Variants in BICD1 observed in about 807,000 individuals in gnomAD.
The protein encoded by BICD1 is BICD cargo adaptor 1.
A neutral mutation model predicts 92.5 loss-of-function variants in BICD1; 35 were observed. The ratio of observed to expected loss-of-function variants is 0.38; its 90% CI spans 0.29 to 0.50. BICD1 has a LOEUF of 0.50. BICD1 is among the 20% of genes least tolerant of loss of function. The probability of loss-of-function intolerance (pLI) is 0.93; values close to 1 mark genes in which losing one functional copy is unlikely to be tolerated. For missense variants in BICD1, 950 were observed against 1,189.8 expected (o/e 0.80, Z 2.97); for synonymous variants, 429 against 465.1 (o/e 0.92, Z 1.00).
At chr12:32,252,072 TAATATATATTTATA>T (rs1174116798) in intron 2 of BICD1, among the ~76,000 whole-genome samples, 3 of 36,552 alleles carry the variant, frequency 8.2e-5, no homozygotes, top group African/African-American at 3.0e-4. Context: ...TATATATTTA[TAATATATATTTATA>T]AATATATATT....
In BICD1 at chr12:32,107,365, C is replaced by T; in HGVS notation, c.34C>T (p.His12Tyr). 6.2e-7 allele frequency: 1 copy of T among 1,609,700 alleles called. No homozygotes were observed. Among genetic ancestry groups the T allele is most frequent in the Non-Finnish European group, 8.5e-7 (1 of 1,178,322 alleles). ...AGAAGAGGTATTGCAGACGGTGGACCATTATAAGACTGAGATAGAGAGGCT... is the reference window on the plus strand; with the variant it reads ...AGAAGAGGTATTGCAGACGGTGGACTATTATAAGACTGAGATAGAGAGGCT... The part of the protein sequence containing the change: ...AAEEVLQTVD[H>Y]YKTEIERLTK... Residue 12 changes from histidine to tyrosine, a missense_variant, in exon 1 of 10, where the codon CAT (histidine) becomes TAT (tyrosine). By Grantham distance (83) the His-to-Tyr change is moderately conservative. Coordinates refer to ENST00000652176, the MANE Select transcript of BICD1 (RefSeq NM_001714.4).
chr12:32,324,552 A>G (rs1232961575), intron 4 of BICD1, among the ~76,000 whole-genome samples: 2 of 144,378 alleles, frequency 1.4e-5, no homozygotes, highest in East Asian at 4.1e-4. Context: ...CCTTTTTGCA[A>G]CTACTGTACT....
Position 32,327,454 on chromosome 12 carries a change from A to T in BICD1, c.1006-7A>T. The T allele has an allele frequency of 1.9e-6, 3 of 1,589,498 alleles. No individual in the cohort carries two copies. The Admixed American group carries it at 5.3e-5, about 28-fold the overall frequency. ...GGTGATTCAGAAACTTTCTTTTGCCATTGCAGGTAGAGCGGGAAAAGGCCA... is the reference window on the plus strand; with the variant it reads ...GGTGATTCAGAAACTTTCTTTTGCCTTTGCAGGTAGAGCGGGAAAAGGCCA... On this transcript the variant is annotated splice_polypyrimidine_tract_variant and splice_region_variant and intron_variant, in intron 4 of 9. Coordinates refer to ENST00000652176, the MANE Select transcript of BICD1 (RefSeq NM_001714.4).
chr12:32,300,080 G>C (rs569239458), intron 3 of BICD1, among the ~76,000 whole-genome samples: 1 of 152,142 alleles, frequency 6.6e-6, no homozygotes, highest in East Asian at 1.9e-4. Context: ...TAGGTGGTGG[G>C]CTGGATTTGC....
intron 1 of BICD1, among the ~76,000 whole-genome samples, chr12:32,127,756 T>C (rs1942393806): frequency 6.6e-6 from 1 of 152,158 alleles, no homozygotes; most frequent in Admixed American, 6.5e-5. Flanking sequence ...GTTTCCCCAA[T>C]AAGCATTAAG....
At chr12:32,303,942 A>G (rs12317547) in intron 3 of BICD1, among the ~76,000 whole-genome samples, 25,674 of 152,038 alleles carry the variant, frequency 0.17, 2,794 homozygotes, top group African/African-American at 0.3. Context: ...AGGCGTGGTG[A>G]CGGGCACTTG....
At chr12:32,234,657 C>CTT (rs796108601) in intron 2 of BICD1, among the ~76,000 whole-genome samples, 87 of 146,116 alleles carry the variant, frequency 6.0e-4, no homozygotes, top group African/African-American at 2.0e-3. Context: ...CTAAACACCA[C>CTT]TTTTTTTTTC....
At chr12:32,200,949 G>T (rs1216750536) in intron 1 of BICD1, among the ~76,000 whole-genome samples, 1 of 152,132 alleles carries the variant, frequency 6.6e-6, no homozygotes, top group Admixed American at 6.5e-5. Context: ...AATACTAAAA[G>T]CCTCTTGATC....
intron 8 of BICD1, among the ~76,000 whole-genome samples, chr12:32,350,133 G>A (rs561283857): frequency 6.6e-6 from 1 of 152,264 alleles, no homozygotes; most frequent in Non-Finnish European, 1.5e-5. Flanking sequence ...CAACTGATGT[G>A]TAGTTAGAAT....
intron 2 of BICD1, among the ~76,000 whole-genome samples, chr12:32,274,608 C>T (rs989350061): frequency 3.9e-5 from 6 of 152,030 alleles, no homozygotes; most frequent in East Asian, 1.9e-4. Context: ...TTTACTGAGG[C>T]GTTTATATTT....
chr12:32,315,812 A>C (rs1034611353), intron 4 of BICD1, among the ~76,000 whole-genome samples: 1 of 152,118 alleles, frequency 6.6e-6, no homozygotes, highest in Admixed American at 6.6e-5. Flanking sequence ...AATAAATTAC[A>C]TGAGATAGTA....
chr12:32,246,266 G>A (rs1007022569), intron 2 of BICD1, among the ~76,000 whole-genome samples: 22 of 148,918 alleles, frequency 1.5e-4, no homozygotes, highest in Admixed American at 1.3e-3. Context: ...ACTTGTGACT[G>A]GGAGTTTGAG....
At chr12:32,123,868 C>T (rs746824323) in intron 1 of BICD1, among the ~76,000 whole-genome samples, 3 of 150,088 alleles carry the variant, frequency 2.0e-5, no homozygotes, top group East Asian at 3.9e-4. Flanking sequence ...CAGAGCAAGA[C>T]TCCGTCTGAA....
chr12:32,289,303 A>C (rs752184772), intron 2 of BICD1, among the ~76,000 whole-genome samples: 1 of 152,160 alleles, frequency 6.6e-6, no homozygotes, highest in Non-Finnish European at 1.5e-5. Context: ...GTCATTGCTA[A>C]CTTTTTTCAG....
chr12:32,133,325 T>G (rs1018235243), intron 1 of BICD1, among the ~76,000 whole-genome samples: 2 of 151,918 alleles, frequency 1.3e-5, no homozygotes, highest in Admixed American at 1.3e-4. Flanking sequence ...CCATCTCTAC[T>G]AAAAATGCAA....
At chr12:32,367,921 A>G (rs139027900) in intron 9 of BICD1, 176 bp downstream of exon 9, 10,557 of 602,988 alleles carry the variant, frequency 0.018, 135 homozygotes, top group Non-Finnish European at 0.023. Context: ...CCCAGTAGGA[A>G]TACAAGAGAG....
chr12:32,247,317 G>GTAGA (rs1344906232), intron 2 of BICD1, among the ~76,000 whole-genome samples: 25 of 152,002 alleles, frequency 1.6e-4, no homozygotes, highest in African/African-American at 6.0e-4. Flanking sequence ...TGGGCTCAGG[G>GTAGA]TAGAGGCTGG....
intron 5 of BICD1, among the ~76,000 whole-genome samples, chr12:32,331,564 A>C (rs1937873303): frequency 6.6e-6 from 1 of 152,174 alleles, no homozygotes; most frequent in African/African-American, 2.4e-5. Context: ...AAATTTACTT[A>C]TGTTTCATGT....
chr12:32,300,794 A>G (rs2728701), intron 3 of BICD1, among the ~76,000 whole-genome samples: 121,746 of 151,062 alleles, frequency 0.81, 49,183 homozygotes, highest in Non-Finnish European at 0.83. Flanking sequence ...ACAGGCACCC[A>G]CCACCATGCC....
Sources: allele counts gnomAD v4.1 joint callset (sites outside exome capture counted in the v4.1 genomes callset), GRCh38; gene constraint gnomAD v4.1.1; transcripts MANE v1.5; gene names NCBI Gene and HGNC (gene_info 2026-07-23, HGNC 2026-07-21).